The following MFSD6 variants were observed in gnomAD, a reference collection of about 807,000 sequenced individuals.
The protein encoded by MFSD6 is major facilitator superfamily domain-containing protein 6.
In MFSD6, 26 loss-of-function variants were observed where a neutral mutation model predicts 56.3. That is an observed-to-expected ratio of 0.46 (90% CI 0.34 to 0.64). The LOEUF (loss-of-function observed/expected upper bound fraction) is 0.64, where lower values mean the gene tolerates loss of function less well. Among genes scored for constraint, MFSD6 ranks in the 30% least tolerant of loss-of-function variants. The pLI, the probability that MFSD6 is intolerant of heterozygous loss-of-function variation, is 0.01. For synonymous variants in MFSD6, 331 were observed against 366.9 expected (o/e 0.90, Z 1.12); for missense variants, 750 against 986.2 (o/e 0.76, Z 3.21).
In MFSD6 at chr2:190,463,612, G is replaced by C. The variant is rs1687442712; in HGVS notation, c.1533-6146G>C. Among the ~76,000 whole-genome samples, 1 of 152,192 alleles carries C rather than the reference G, an allele frequency of 6.6e-6. No homozygotes were observed. The highest frequency in any genetic ancestry group is 6.5e-5 in the Admixed American group (1 of 15,280). On this transcript the variant is annotated intron_variant, in intron 3 of 7. Transcript: ENST00000392328. This position sits in a 1 kb window ranked among gnomAD's most constrained non-coding sequence, Gnocchi z 4.4. ...GAGATAGGAGGATTGCTTGAGCCCA[G>C]GAGTTCATGACCAGCCTGGGCAACA...
intron 2 of MFSD6, among the ~76,000 whole-genome samples, chr2:190,430,884 C>A (rs998330730): frequency 1.2e-5 from 1 of 81,980 alleles, no homozygotes; most frequent in African/African-American, 4.4e-5. Flanking sequence ...GGCTGCCGGG[C>A]GGAGACGCTC....
intron 2 of MFSD6, among the ~76,000 whole-genome samples, chr2:190,422,228 T>A (rs1297363126): frequency 6.6e-6 from 1 of 152,232 alleles, no homozygotes; most frequent in Non-Finnish European, 1.5e-5. Context: ...TCAGGTGTAT[T>A]GGTATTCTAC....
intron 6 of MFSD6, among the ~76,000 whole-genome samples, chr2:190,493,169 A>G (rs1689462647): frequency 6.6e-6 from 1 of 152,106 alleles, no homozygotes; most frequent in Non-Finnish European, 1.5e-5. Flanking sequence ...CATAAATTTA[A>G]GGTAAAGGGG....
chr2:190,500,026 G>GAA lies in MFSD6; in HGVS notation c.2185_2186dup (p.Asn729LysfsTer152). 6.2e-7 allele frequency: 1 copy of GAA among 1,614,184 alleles called. No homozygotes were observed. The highest frequency in any genetic ancestry group is 1.7e-5 in the Admixed American group (1 of 60,024). ...TTTTTTACCTCCAGGGGACCAATGA[G>GAA]AATAGGGAAAATTCTCCTGCTGGTA... On this transcript the variant is annotated frameshift_variant, in exon 8 of 8. Transcript: ENST00000392328. LOFTEE classifies it low-confidence loss of function (END_TRUNC). This position sits in a 1 kb window ranked among gnomAD's most constrained non-coding sequence, Gnocchi z 5.3.
rs907010665 is a variant in MFSD6, at chr2:190,489,948, G to A, written c.1891+82G>A. The A allele has an allele frequency of 4.1e-6, 5 of 1,213,850 alleles. No individual in the cohort carries two copies. The highest frequency in any genetic ancestry group is 5.8e-6 in the Non-Finnish European group (5 of 860,528). The allele number at this position is 1,213,850 out of a possible 1,614,324, so 75.2% of individuals were successfully genotyped here. On this transcript the variant is annotated intron_variant, in intron 6 of 7. Transcript: ENST00000392328. The surrounding 1 kb of genome is among the most constrained non-coding windows in gnomAD (Gnocchi z 6.6). Reference sequence around the variant, plus strand: ...CAAATGCCCCGAGAAGCCTAGAAGTGGTACAGAGTATACAACAGGTCTGTT... The same window carrying A: ...CAAATGCCCCGAGAAGCCTAGAAGTAGTACAGAGTATACAACAGGTCTGTT...
intron 1 of MFSD6, among the ~76,000 whole-genome samples, chr2:190,409,729 A>C (rs1040475051): frequency 1.3e-5 from 2 of 152,242 alleles, no homozygotes; most frequent in Admixed American, 6.5e-5. Context: ...TAGCCAGCTA[A>C]AAGTGTATGC....
rs1021889354 is a variant in MFSD6 at position 190,463,896 on chromosome 2, G to A, written c.1533-5862G>A. 4.1e-6 allele frequency: 4 copies of A among 984,512 alleles called. No homozygotes were observed. In the African/African-American group the frequency reaches 7.0e-5, roughly 17 times the overall value. The allele number at this position is 984,512 out of a possible 1,614,324, so 61.0% of individuals were successfully genotyped here. Reference sequence around the variant, plus strand: ...CCAATCTAAGGGCGCACCATATACTGTCTACCATACAGAAAACGTAATCCA... The same window carrying A: ...CCAATCTAAGGGCGCACCATATACTATCTACCATACAGAAAACGTAATCCA... On this transcript the variant is annotated intron_variant, in intron 3 of 7. Transcript: ENST00000392328. This position sits in a 1 kb window ranked among gnomAD's most constrained non-coding sequence, Gnocchi z 4.4.
intron 3 of MFSD6, among the ~76,000 whole-genome samples, chr2:190,444,587 C>T (rs1686503573): frequency 6.6e-6 from 1 of 152,126 alleles, no homozygotes; most frequent in Admixed American, 6.5e-5. Flanking sequence ...TCATCATTCT[C>T]CACAACTCAG....
rs1392881201 is a variant in MFSD6 at position 190,499,379 on chromosome 2, AT to A, written c.2173-635del. Among the ~76,000 whole-genome samples the A allele has an allele frequency of 2.0e-5, 3 of 152,122 alleles. No homozygotes were observed. Among genetic ancestry groups the A allele is most frequent in the African/African-American group, 7.2e-5 (3 of 41,414 alleles). ...AAATTTTTTTTTATTTGTACAACCA[AT>A]ATGGCATTTATGGAAATTGCTGCTG... is the stretch of plus-strand genomic sequence containing the variant. On this transcript the variant is annotated intron_variant, in intron 7 of 7. Coordinates refer to ENST00000392328, the MANE Select transcript of MFSD6 (RefSeq NM_017694.4). The surrounding 1 kb of genome is among the most constrained non-coding windows in gnomAD (Gnocchi z 6.0).
chr2:190,476,440 GAC>G lies in MFSD6; in HGVS notation c.1630+6589_1630+6590del, dbSNP rs1266362237. Among the ~76,000 whole-genome samples the G allele has an allele frequency of 4.6e-5, 7 of 152,250 alleles. No homozygotes were observed. The South Asian group carries it at 1.0e-3, about 23-fold the overall frequency. Reference sequence around the variant, plus strand: ...AAAGAAGACATTTATGCAGCCAACAGACACATGAAAAAATGCTCATCATCACT... The same window carrying G: ...AAAGAAGACATTTATGCAGCCAACAGACATGAAAAAATGCTCATCATCACT... On this transcript the variant is annotated intron_variant, in intron 4 of 7. Coordinates refer to ENST00000392328, the MANE Select transcript of MFSD6 (RefSeq NM_017694.4).
In MFSD6 at chr2:190,443,280, A is replaced by C. The variant is rs185434312; in HGVS notation, c.1532+5719A>C. Among the ~76,000 whole-genome samples the C allele has an allele frequency of 6.6e-6, 1 of 152,204 alleles. No individual in the cohort carries two copies. Among genetic ancestry groups the C allele is most frequent in the Non-Finnish European group, 1.5e-5 (1 of 68,030 alleles). On this transcript the variant is annotated intron_variant, in intron 3 of 7. Coordinates refer to ENST00000392328, the MANE Select transcript of MFSD6 (RefSeq NM_017694.4). This position sits in a 1 kb window ranked among gnomAD's most constrained non-coding sequence, Gnocchi z 4.2. ...TTGCCTGGCTCTGCAACTTGGAACT[A>C]TATGGCCTTGGACAAGTTACAGAAC...
In MFSD6 at chr2:190,426,555, G is replaced by C. The variant is rs535782821; in HGVS notation, c.-53-9422G>C. Among the ~76,000 whole-genome samples, 1 of 152,132 alleles carries C rather than the reference G, an allele frequency of 6.6e-6. No individual in the cohort carries two copies. Among genetic ancestry groups the C allele is most frequent in the East Asian group, 1.9e-4 (1 of 5,186 alleles). On this transcript the variant is annotated intron_variant, in intron 2 of 7. Transcript: ENST00000392328. This position sits in a 1 kb window ranked among gnomAD's most constrained non-coding sequence, Gnocchi z 4.7. The stretch of plus-strand genomic sequence containing the variant: ...GTATATTGTGTAGTTGTGGGGATTG[G>C]GCTTCTGCTGTACCCATCACCCAAA...
chr2:190,472,368 T>A (rs1687997938), intron 4 of MFSD6, among the ~76,000 whole-genome samples: 1 of 152,042 alleles, frequency 6.6e-6, no homozygotes, highest in Admixed American at 6.5e-5. Context: ...CTAACTACAA[T>A]AACCAATGCA....
chr2:190,468,200 C>T (rs1687706310), intron 3 of MFSD6, among the ~76,000 whole-genome samples: 1 of 152,114 alleles, frequency 6.6e-6, no homozygotes, highest in South Asian at 2.1e-4. Context: ...TTTTCTCCTC[C>T]AAACACACAA....
At position 190,425,043 on chromosome 2, in the gene MFSD6, T is replaced by C. The variant is rs1685745001; in HGVS notation, c.-54+9630T>C. Among the ~76,000 whole-genome samples, 1 of 152,254 alleles carries C rather than the reference T, an allele frequency of 6.6e-6. No homozygotes were observed. The highest frequency in any genetic ancestry group is 1.5e-5 in the Non-Finnish European group (1 of 68,040). On this transcript the variant is annotated intron_variant, in intron 2 of 7. Coordinates refer to ENST00000392328, the MANE Select transcript of MFSD6 (RefSeq NM_017694.4). The surrounding 1 kb of genome is among the most constrained non-coding windows in gnomAD (Gnocchi z 4.3). The stretch of plus-strand genomic sequence containing the variant: ...TTTGATTTCTTTCATCAGCATTTTA[T>C]GGTTTTCAGCATAAGGCCTTGTACA...
At chr2:190,421,457 T>C (rs957564352) in intron 2 of MFSD6, among the ~76,000 whole-genome samples, 2 of 150,286 alleles carry the variant, frequency 1.3e-5, no homozygotes, top group East Asian at 2.0e-4. Flanking sequence ...GTGAGAGTTA[T>C]GGATGTATGA....
chr2:190,441,720 C>T (rs936033419), intron 3 of MFSD6, among the ~76,000 whole-genome samples: 1 of 152,104 alleles, frequency 6.6e-6, no homozygotes, highest in African/African-American at 2.4e-5. Context: ...AGACTCTCAG[C>T]CTTGTCTCCT....
In MFSD6 at chr2:190,430,920, C is replaced by T. The variant is rs866992266; in HGVS notation, c.-53-5057C>T. Reference sequence around the variant, plus strand: ...CTCACTTCCCAGATGGGGTGGCTGCCGGGCGGAGGGGCTCCTCACTTCTCA... The same window carrying T: ...CTCACTTCCCAGATGGGGTGGCTGCTGGGCGGAGGGGCTCCTCACTTCTCA... On this transcript the variant is annotated intron_variant, in intron 2 of 7. Coordinates refer to ENST00000392328, the MANE Select transcript of MFSD6 (RefSeq NM_017694.4). Among the ~76,000 whole-genome samples, 17 of 139,858 alleles carry T rather than the reference C, an allele frequency of 1.2e-4. No homozygotes were observed. In the East Asian group the frequency reaches 2.0e-3, roughly 17 times the overall value. 91.8% of individuals were successfully genotyped at this position (139,858 alleles called of 152,430 possible). A position where few individuals can be genotyped will look rare whatever the true frequency, so the allele number is the denominator to read the frequency against.
chr2:190,499,801 A>G lies in MFSD6; in HGVS notation c.2173-214A>G. On this transcript the variant is annotated intron_variant, in intron 7 of 7. Transcript: ENST00000392328. This position sits in a 1 kb window ranked among gnomAD's most constrained non-coding sequence, Gnocchi z 6.0. The stretch of plus-strand genomic sequence containing the variant: ...TTTTCCACAAGACACGTCTGCTTAT[A>G]GTGTTTGTGTTTTTCATGCGGCTCT... The G allele has an allele frequency of 3.3e-6, 5 of 1,521,148 alleles. No individual in the cohort carries two copies. The highest frequency in any genetic ancestry group is 4.4e-6 in the Non-Finnish European group (5 of 1,128,288). 94.2% of individuals were successfully genotyped at this position (1,521,148 alleles called of 1,614,324 possible).
Sources: allele counts gnomAD v4.1 joint callset (sites outside exome capture counted in the v4.1 genomes callset), GRCh38; gene constraint gnomAD v4.1.1; non-coding constraint Gnocchi (gnomAD v3.1); transcripts MANE v1.5; gene names NCBI Gene and HGNC (gene_info 2026-07-23, HGNC 2026-07-21).